Variants in HDAC9 observed in about 807,000 individuals in gnomAD.
The protein encoded by HDAC9 is histone deacetylase 9.
Under a neutral mutation model 139.4 loss-of-function variants are expected in HDAC9, and 41 were observed. The ratio of observed to expected loss-of-function variants is 0.29; its 90% CI spans 0.23 to 0.38. HDAC9 has a LOEUF of 0.38. Among genes scored for constraint, HDAC9 ranks in the 10% least tolerant of loss-of-function variants. The pLI is 1.00. For missense variants in HDAC9, 1,147 were observed against 1,297.0 expected, an observed-to-expected ratio of 0.88 and a Z score of 1.78; for synonymous variants, 517 against 476.2, an observed-to-expected ratio of 1.09 and a Z score of -1.12.
At chr7:18,931,975 A>AC (rs1804784539) in intron 22 of HDAC9, among the ~76,000 whole-genome samples, 1 of 152,142 alleles carries the variant, frequency 6.6e-6, no homozygotes, top group African/African-American at 2.4e-5. Flanking sequence ...CAAAGTGTGA[A>AC]CCTCAACTAT....
chr7:18,861,716 TATC>T lies in HDAC9; in HGVS notation c.2685-12759_2685-12757del, dbSNP rs1798124784. ...AGGAAAGTCCCTCATTGCCTTCAAATATCATTATTTTTTAAACACATAGCATTT... is the reference window on the plus strand; with the variant it reads ...AGGAAAGTCCCTCATTGCCTTCAAATATTATTTTTTAAACACATAGCATTT... On this transcript the variant is annotated intron_variant, in intron 21 of 25. Transcript: ENST00000686413. 2.6e-5 allele frequency among the ~76,000 whole-genome samples: 4 copies of T among 152,108 alleles called. No individual in the cohort carries two copies. In the South Asian group the frequency reaches 8.3e-4, roughly 32 times the overall value.
At chr7:18,238,357 C>G (rs1414955849) in intron 2 of HDAC9, among the ~76,000 whole-genome samples, 1 of 152,186 alleles carries the variant, frequency 6.6e-6, no homozygotes, top group African/African-American at 2.4e-5. Context: ...CATGTAGTAA[C>G]ATCAGTCATA....
intron 14 of HDAC9, among the ~76,000 whole-genome samples, chr7:18,756,743 G>A (rs1295519300): frequency 6.6e-6 from 1 of 152,180 alleles, no homozygotes; most frequent in African/African-American, 2.4e-5. Context: ...TTAAGGACAC[G>A]TGGGAGTCAG....
intron 12 of HDAC9, among the ~76,000 whole-genome samples, chr7:18,698,545 C>T (rs1228968050): frequency 1.3e-5 from 2 of 152,184 alleles, no homozygotes; most frequent in Non-Finnish European, 2.9e-5. Context: ...TCTTTATGTG[C>T]CTTCCTGACC....
chr7:18,580,734 G>T (rs996327552), intron 2 of HDAC9, among the ~76,000 whole-genome samples: 2 of 152,150 alleles, frequency 1.3e-5, no homozygotes, highest in African/African-American at 4.8e-5. Context: ...TGTGAACAGA[G>T]ATGATTCTAT....
chr7:18,848,117 C>T (rs1170707132), intron 21 of HDAC9, among the ~76,000 whole-genome samples: 1 of 152,066 alleles, frequency 6.6e-6, no homozygotes, highest in Admixed American at 6.6e-5. Context: ...TGTGTCTGGG[C>T]CTAAGGAACC....
At chr7:18,789,269 C>T (rs1370234701) in intron 16 of HDAC9, among the ~76,000 whole-genome samples, 1 of 143,446 alleles carries the variant, frequency 7.0e-6, no homozygotes, top group Non-Finnish European at 1.5e-5. Context: ...CCTTAATGCA[C>T]ACGCAGACAC....
intron 16 of HDAC9, among the ~76,000 whole-genome samples, chr7:18,774,292 G>A (rs374071193): frequency 5.9e-5 from 9 of 151,896 alleles, no homozygotes; most frequent in Admixed American, 3.9e-4. Flanking sequence ...TAATATATTC[G>A]ATATTTTTAT....
chr7:18,704,470 G>A (rs1256511749), intron 12 of HDAC9, among the ~76,000 whole-genome samples: 1 of 152,158 alleles, frequency 6.6e-6, no homozygotes, highest in African/African-American at 2.4e-5. Flanking sequence ...GTACTTAACT[G>A]AATTTGTGTG....
intron 11 of HDAC9, among the ~76,000 whole-genome samples, chr7:18,652,368 G>A (rs1789557879): frequency 6.6e-6 from 1 of 152,004 alleles, no homozygotes; most frequent in Non-Finnish European, 1.5e-5. Context: ...CCCATTTCAA[G>A]TTTAAATATT....
chr7:18,582,694 A>G (rs1434245048), intron 2 of HDAC9, among the ~76,000 whole-genome samples: 1 of 152,186 alleles, frequency 6.6e-6, no homozygotes, highest in East Asian at 1.9e-4. Context: ...ACAATACTAG[A>G]ACTCTAGTAA....
intron 2 of HDAC9, among the ~76,000 whole-genome samples, chr7:18,220,189 A>C (rs935287457): frequency 6.6e-6 from 1 of 152,166 alleles, no homozygotes; most frequent in African/African-American, 2.4e-5. Context: ...GTGAACATTA[A>C]ATTTATGCTA....
chr7:18,793,066 G>A (rs1437713708), intron 16 of HDAC9: 4 of 397,430 alleles, frequency 1.0e-5, no homozygotes, highest in Non-Finnish European at 1.9e-5. Context: ...TCTAAACAGG[G>A]AATGGCAGTG....
chr7:18,139,895 C>A (rs1262820463), intron 1 of HDAC9, among the ~76,000 whole-genome samples: 1 of 152,174 alleles, frequency 6.6e-6, no homozygotes, highest in African/African-American at 2.4e-5. Flanking sequence ...CCTAGAGCCT[C>A]TGGGGGAGAA....
chr7:18,626,753 A>G (rs1466093594), intron 6 of HDAC9, among the ~76,000 whole-genome samples: 1 of 152,200 alleles, frequency 6.6e-6, no homozygotes, highest in Non-Finnish European at 1.5e-5. Flanking sequence ...GACAAACAGG[A>G]GTGAAAGCTA....
chr7:18,319,550 C>T (rs1487925225), intron 1 of HDAC9, among the ~76,000 whole-genome samples: 2 of 152,180 alleles, frequency 1.3e-5, no homozygotes, highest in East Asian at 3.8e-4. Context: ...AGTTCCCCAT[C>T]ATTATTGGAA....
At chr7:18,804,486 G>A (rs575155945) in intron 17 of HDAC9, among the ~76,000 whole-genome samples, 20 of 152,282 alleles carry the variant, frequency 1.3e-4, no homozygotes, top group Admixed American at 1.2e-3. Flanking sequence ...ACGGTGGTAA[G>A]TGCTGATTGT....
intron 1 of HDAC9, among the ~76,000 whole-genome samples, chr7:18,089,154 GC>G (rs1391473567): frequency 6.6e-6 from 1 of 152,142 alleles, no homozygotes; most frequent in African/African-American, 2.4e-5. Flanking sequence ...ATAAGGTTGT[GC>G]AGAAGGAAGT....
intron 12 of HDAC9, among the ~76,000 whole-genome samples, chr7:18,681,244 T>C (rs190421079): frequency 1.8e-4 from 27 of 152,082 alleles, no homozygotes; most frequent in Middle Eastern, 3.4e-3. Flanking sequence ...AAAGAAAATA[T>C]TTTGTTTCGT....
Sources: gnomAD v4.1 joint callset for allele counts (sites outside exome capture counted in the v4.1 genomes callset) on GRCh38, gnomAD v4.1.1 for gene constraint, MANE v1.5 for transcripts, NCBI Gene and HGNC (gene_info 2026-07-23, HGNC 2026-07-21) for gene names.